Variants in MAPRE2 observed in about 807,000 individuals in gnomAD.
The protein encoded by MAPRE2 is microtubule associated protein RP/EB family member 2.
MAPRE2 carries 13 observed loss-of-function variants against 43.2 expected under a neutral mutation model. That is an observed-to-expected ratio of 0.30 (90% confidence interval 0.20 to 0.48). The LOEUF (loss-of-function observed/expected upper bound fraction) is 0.48. Among genes scored for constraint, MAPRE2 ranks in the 20% least tolerant of loss-of-function variants. MAPRE2 has a pLI of 0.99. For synonymous variants in MAPRE2, 135 were observed against 148.8 expected, an observed-to-expected ratio of 0.91 and a Z score of 0.68; for missense variants, 161 against 400.2, an observed-to-expected ratio of 0.40 and a Z score of 5.10.
At chr18:35,128,682 A>G (rs189780391) in intron 5 of MAPRE2, among the ~76,000 whole-genome samples, 330 of 152,316 alleles carry the variant, frequency 2.2e-3, no homozygotes, top group African/African-American at 7.6e-3. Context: ...ACATCCTGGA[A>G]TCAGTTCCTC....
intron 2 of MAPRE2, among the ~76,000 whole-genome samples, chr18:35,032,059 G>T (rs2097048102): frequency 6.6e-6 from 1 of 152,134 alleles, no homozygotes; most frequent in South Asian, 2.1e-4. Context: ...CCACTGGCTG[G>T]CCAACCATAT....
chr18:35,041,321 C>G, upstream of MAPRE2: 1 of 1,424,380 alleles, frequency 7.0e-7, no homozygotes, highest in Non-Finnish European at 9.1e-7. Context: ...TGGCAACAGG[C>G]TGGCCACGTG....
chr18:35,068,179 T>G (rs1906927882), intron 1 of MAPRE2, among the ~76,000 whole-genome samples: 1 of 152,238 alleles, frequency 6.6e-6, no homozygotes, highest in Admixed American at 6.5e-5. Flanking sequence ...TTTCATAAAA[T>G]GTAGATTTTT....
intron 2 of MAPRE2, among the ~76,000 whole-genome samples, chr18:35,074,263 C>T (rs1418211465): frequency 1.3e-5 from 2 of 152,144 alleles, no homozygotes; most frequent in Admixed American, 1.3e-4. Context: ...AAAAGTTATA[C>T]AGCTTGGGCA....
In MAPRE2 at chr18:35,131,128, G is replaced by A. The variant is rs1203715901; in HGVS notation, c.751-904G>A. Among the ~76,000 whole-genome samples the A allele has an allele frequency of 3.9e-5, 6 of 152,162 alleles. No homozygotes were observed. In the South Asian group the frequency reaches 8.3e-4, roughly 21 times the overall value. On this transcript the variant is annotated intron_variant, in intron 5 of 6. Transcript: ENST00000300249. ...CTTTGGGTCTTACCCAGTTTTCCTC[G>A]TGTCACGAACCCTCAGTTTCTCCCT...
intron 2 of MAPRE2, among the ~76,000 whole-genome samples, chr18:35,006,298 T>A (rs917735522): frequency 5.3e-5 from 8 of 152,182 alleles, no homozygotes; most frequent in Non-Finnish European, 8.8e-5. Flanking sequence ...CTAAACATCT[T>A]TTATTTTACT....
chr18:35,086,670 G>T (rs1052263512), intron 2 of MAPRE2, among the ~76,000 whole-genome samples: 1 of 151,468 alleles, frequency 6.6e-6, no homozygotes, highest in Non-Finnish European at 1.5e-5. Flanking sequence ...TAGAAAAAAG[G>T]AATGTTTTTC....
At position 35,002,025 on chromosome 18, in the gene MAPRE2, T is replaced by A. The variant is rs187129156; in HGVS notation, c.-69-3467T>A. ...ATATTGATGTCAACACAATCAAGGT[T>A]CAGAACATTTCCATCACCACAAAAA... On this transcript the variant is annotated intron_variant, in intron 1 of 7. Transcript: ENST00000413393. 1.7e-3 allele frequency among the ~76,000 whole-genome samples: 256 copies of A among 152,258 alleles called. 5 individuals are homozygous for A. The highest frequency in any genetic ancestry group is 5.5e-3 in the African/African-American group (230 of 41,540).
chr18:34,996,020 G>A (rs601444), intron 1 of MAPRE2, among the ~76,000 whole-genome samples: 4,590 of 152,236 alleles, frequency 0.03, 144 homozygotes, highest in African/African-American at 0.089. Flanking sequence ...TCAGGAAAGC[G>A]CTGTCACAGA....
At chr18:35,059,766 A>G (rs547671169) in intron 1 of MAPRE2, among the ~76,000 whole-genome samples, 1 of 152,284 alleles carries the variant, frequency 6.6e-6, no homozygotes, top group South Asian at 2.1e-4. Flanking sequence ...CAACCCTGCC[A>G]AGTGCTGGAA....
chr18:35,112,412 C>T (rs1909216609), intron 4 of MAPRE2, among the ~76,000 whole-genome samples: 1 of 152,090 alleles, frequency 6.6e-6, no homozygotes, highest in Non-Finnish European at 1.5e-5. Context: ...CTCAGGTGAT[C>T]CACATGCCTC....
intron 1 of MAPRE2, among the ~76,000 whole-genome samples, chr18:35,065,952 A>T (rs1374013142): frequency 6.6e-6 from 1 of 152,236 alleles, no homozygotes; most frequent in African/African-American, 2.4e-5. Flanking sequence ...CTTTGCAAGG[A>T]TGGGACAGAG....
intron 1 of MAPRE2, among the ~76,000 whole-genome samples, chr18:35,000,253 G>A (rs2097028639): frequency 2.0e-5 from 3 of 152,188 alleles, no homozygotes; most frequent in South Asian, 2.1e-4. Context: ...GCTGTGAACA[G>A]CTGGGGAGGT....
At chr18:35,044,479 C>T (rs1441417127) in intron 1 of MAPRE2, among the ~76,000 whole-genome samples, 2 of 152,346 alleles carry the variant, frequency 1.3e-5, no homozygotes, top group East Asian at 3.9e-4. Flanking sequence ...ATCCACCTGC[C>T]TTGGCCTCCC....
At chr18:35,081,485 C>T (rs1005557103) in intron 2 of MAPRE2, among the ~76,000 whole-genome samples, 1 of 152,192 alleles carries the variant, frequency 6.6e-6, no homozygotes. Context: ...CCTTTGGTGC[C>T]ACACCTGGCC....
At position 35,041,456 on chromosome 18, in the gene MAPRE2, A is replaced by G. The variant is rs2150598119; in HGVS notation, c.-84A>G. 1 of 1,608,268 alleles carries G rather than the reference A, an allele frequency of 6.2e-7. No individual in the cohort carries two copies. Among genetic ancestry groups the G allele is most frequent in the Non-Finnish European group, 8.5e-7 (1 of 1,177,702 alleles). ...CAGGCGGCAGGCACGGTCCGTGCGG[A>G]GCAGGCGAGCGAGCGGGAAGACGCA... On this transcript the variant is annotated 5_prime_UTR_variant, in exon 1 of 7. Transcript: ENST00000300249.
rs1910755742 is a variant in MAPRE2 at position 35,143,401 on chromosome 18, G to A, written c.*3032G>A. The A allele has an allele frequency of 6.6e-6, 1 of 151,846 alleles. No individual in the cohort carries two copies. Among genetic ancestry groups the A allele is most frequent in the Non-Finnish European group, 1.5e-5 (1 of 67,986 alleles). The allele number at this position is 151,846 out of a possible 1,614,324, so 9.4% of individuals were successfully genotyped here. A position where few individuals can be genotyped will look rare whatever the true frequency, so the allele number is the denominator to read the frequency against. ...CATGGTAGAATAGTTTTTTGTCTCTGAATATGTGAATAACTTGACTTGCAT... is the reference window on the plus strand; with the variant it reads ...CATGGTAGAATAGTTTTTTGTCTCTAAATATGTGAATAACTTGACTTGCAT... On this transcript the variant is annotated 3_prime_UTR_variant, in exon 7 of 7. Transcript: ENST00000300249.
chr18:35,024,512 C>T (rs566742762), intron 2 of MAPRE2, among the ~76,000 whole-genome samples: 9 of 151,912 alleles, frequency 5.9e-5, no homozygotes, highest in East Asian at 3.9e-4. Flanking sequence ...CTATTGATAA[C>T]GATATAACTT....
At chr18:35,072,171 G>A (rs1907145018) in intron 2 of MAPRE2, among the ~76,000 whole-genome samples, 1 of 152,136 alleles carries the variant, frequency 6.6e-6, no homozygotes. Flanking sequence ...TTAACTTGCT[G>A]CCAAAAAAGA....
Sources: gnomAD v4.1 joint callset for allele counts (sites outside exome capture counted in the v4.1 genomes callset) on GRCh38, gnomAD v4.1.1 for gene constraint, MANE v1.5 for transcripts, NCBI Gene and HGNC (gene_info 2026-07-23, HGNC 2026-07-21) for gene names.